The following ERRFI1 variants were observed in gnomAD, a reference collection of about 807,000 sequenced individuals.
ERRFI1 encodes ERBB receptor feedback inhibitor 1, also known as mitogen-inducible gene 6 protein.
Under a neutral mutation model 14.6 loss-of-function variants are expected in ERRFI1, and 12 were observed. The observed-to-expected ratio is 0.82, with a 90% CI of 0.53 to 1.33. The LOEUF (loss-of-function observed/expected upper bound fraction) is 1.33, where lower values mean the gene tolerates loss of function less well. Ranked by LOEUF, ERRFI1 falls within the 40% of genes most tolerant of loss-of-function variation. ERRFI1 has a pLI of 0.00. For synonymous variants in ERRFI1, 202 were observed against 209.9 expected, an observed-to-expected ratio of 0.96 and a Z score of 0.32; for missense variants, 482 against 572.1, an observed-to-expected ratio of 0.84 and a Z score of 1.61.
In ERRFI1 at chr1:8,012,459, G is replaced by A. The variant is rs1333272057; in HGVS notation, c.*751C>T. 8.7e-6 allele frequency: 2 copies of A among 230,066 alleles called. No homozygotes were observed. The highest frequency in any genetic ancestry group is 1.7e-5 in the Non-Finnish European group (2 of 115,792). The allele number at this position is 230,066 out of a possible 1,614,324, so 14.3% of individuals were successfully genotyped here. ...TACTTCAGTGGGTGGGACCAAGCAG[G>A]AACTGTAAGGGAAAATTAGTCACTA... is the stretch of plus-strand genomic sequence containing the variant. On this transcript the variant is annotated 3_prime_UTR_variant, in exon 4 of 4. Coordinates refer to ENST00000377482, the MANE Select transcript of ERRFI1 (RefSeq NM_018948.4).
At chr1:8,018,676 A>T (rs549740193) in intron 1 of ERRFI1, among the ~76,000 whole-genome samples, 1 of 152,366 alleles carries the variant, frequency 6.6e-6, no homozygotes, top group African/African-American at 2.4e-5. Context: ...AACTATTTTT[A>T]GCTTTTTTAG....
intron 1 of ERRFI1, among the ~76,000 whole-genome samples, 185 bp downstream of exon 1, chr1:8,025,973 G>C (rs1201476752): frequency 6.6e-6 from 1 of 151,842 alleles, no homozygotes; most frequent in Non-Finnish European, 1.5e-5. Context: ...AGAAGCCCGC[G>C]AGCGACCGGC....
chr1:8,014,339 G>A lies in ERRFI1; in HGVS notation c.260C>T (p.Ser87Phe). ...AAGAGGGGGCAAGCTGGACTTTTGAGATGGACCATTTTCTGCAAAGCAGTG... is the reference window on the plus strand; with the variant it reads ...AAGAGGGGGCAAGCTGGACTTTTGAAATGGACCATTTTCTGCAAAGCAGTG... ...NGHCFAENGP[S>F]QKSSLPPLLI... Residue 87 changes from serine (S) to phenylalanine (F), a missense_variant, in exon 4 of 4, where the codon TCT (serine) becomes TTT (phenylalanine). By Grantham distance (155) the Ser-to-Phe change is radical. Transcript: ENST00000377482. The A allele has an allele frequency of 1.2e-6, 2 of 1,610,468 alleles. No individual in the cohort carries two copies. Among genetic ancestry groups the A allele is most frequent in the Non-Finnish European group, 1.7e-6 (2 of 1,178,016 alleles).
In ERRFI1 at chr1:8,011,763, G is replaced by A. The variant is rs1438946974; in HGVS notation, c.*1447C>T. 2.6e-5 allele frequency: 5 copies of A among 195,594 alleles called. No individual in the cohort carries two copies. Among genetic ancestry groups the A allele is most frequent in the African/African-American group, 1.2e-4 (5 of 43,244 alleles). The allele number at this position is 195,594 out of a possible 1,614,324, so 12.1% of individuals were successfully genotyped here. A position where few individuals can be genotyped will look rare whatever the true frequency, so the allele number is the denominator to read the frequency against. On this transcript the variant is annotated 3_prime_UTR_variant, in exon 4 of 4. Transcript: ENST00000377482. ...TATTATAACTTTATTAAAATGAAAA[G>A]ACAATATTCAAAATAATGCAACAAA...
At chr1:8,025,260 G>C (rs1344967220) in intron 1 of ERRFI1, among the ~76,000 whole-genome samples, 1 of 152,168 alleles carries the variant, frequency 6.6e-6, no homozygotes, top group African/African-American at 2.4e-5. Context: ...TAAAGACTTA[G>C]CAAGCACTAA....
chr1:8,024,808 T>C (rs1484537058), intron 1 of ERRFI1, among the ~76,000 whole-genome samples: 1 of 152,238 alleles, frequency 6.6e-6, no homozygotes, highest in Non-Finnish European at 1.5e-5. Context: ...CAGCTTCTTT[T>C]ATTTTGGTCT....
intron 1 of ERRFI1, among the ~76,000 whole-genome samples, chr1:8,017,347 G>T (rs1427013696): frequency 1.3e-5 from 2 of 151,516 alleles, no homozygotes; most frequent in African/African-American, 2.4e-5. Flanking sequence ...TTTATGATAG[G>T]GTTAAAATAT....
At chr1:8,014,425 G>T (rs912712325) in intron 3 of ERRFI1, 29 bp from the exon 4 acceptor site, 4 of 1,525,864 alleles carry the variant, frequency 2.6e-6, no homozygotes, top group South Asian at 1.3e-5. Context: ...ATTAATAAAA[G>T]ATCAACAATC....
chr1:8,019,876 A>G (rs987133536), intron 1 of ERRFI1, among the ~76,000 whole-genome samples: 3 of 152,116 alleles, frequency 2.0e-5, no homozygotes, highest in Non-Finnish European at 4.4e-5. Context: ...TATTTACTTG[A>G]AGCAATTGGG....
rs1458318182 is a variant in ERRFI1, at chr1:8,011,880, T to C, written c.*1330A>G. 4.5e-6 allele frequency: 1 copy of C among 223,622 alleles called. No homozygotes were observed. Among genetic ancestry groups the C allele is most frequent in the Non-Finnish European group, 8.9e-6 (1 of 111,812 alleles). 13.9% of individuals were successfully genotyped at this position (223,622 alleles called of 1,614,324 possible). On this transcript the variant is annotated 3_prime_UTR_variant, in exon 4 of 4. Transcript: ENST00000377482. ...GTTTTAACCTTCATTTAGTTCATACTAAAATATAATAAGCTTTAAATAGCT... is the reference window on the plus strand; with the variant it reads ...GTTTTAACCTTCATTTAGTTCATACCAAAATATAATAAGCTTTAAATAGCT...
At chr1:8,024,423 T>A (rs1641316917) in intron 1 of ERRFI1, among the ~76,000 whole-genome samples, 1 of 152,242 alleles carries the variant, frequency 6.6e-6, no homozygotes, top group South Asian at 2.1e-4. Flanking sequence ...CCCTTATCAA[T>A]GACTGCTCCA....
rs1482363796 is a variant in ERRFI1, at chr1:8,012,607, G to A, written c.*603C>T. 8.8e-6 allele frequency: 2 copies of A among 226,922 alleles called. No homozygotes were observed. Among genetic ancestry groups the A allele is most frequent in the African/African-American group, 4.4e-5 (2 of 44,964 alleles). The allele number at this position is 226,922 out of a possible 1,614,324, so 14.1% of individuals were successfully genotyped here. A position where few individuals can be genotyped will look rare whatever the true frequency, so the allele number is the denominator to read the frequency against. On this transcript the variant is annotated 3_prime_UTR_variant, in exon 4 of 4. Transcript: ENST00000377482. ...TGAAACCTGGAAGTATGAGGCCTTG[G>A]TATGATTTTTAACCTAAGCAGGTAC...
rs1641091304 is a variant in ERRFI1 at position 8,011,981 on chromosome 1, T to G, written c.*1229A>C. 1 of 228,782 alleles carries G rather than the reference T, an allele frequency of 4.4e-6. No homozygotes were observed. 14.2% of individuals were successfully genotyped at this position (228,782 alleles called of 1,614,324 possible). A position where few individuals can be genotyped will look rare whatever the true frequency, so the allele number is the denominator to read the frequency against. On this transcript the variant is annotated 3_prime_UTR_variant, in exon 4 of 4. Transcript: ENST00000377482. ...AGAACATTGCAGTAATGTACCTCTG[T>G]TAGTGAGCACCTTCTCTTCTGTGCT...
In ERRFI1 at chr1:8,013,145, A is replaced by G. The variant is rs184137103; in HGVS notation, c.*65T>C. On this transcript the variant is annotated 3_prime_UTR_variant, in exon 4 of 4. Transcript: ENST00000377482. This position sits in a 1 kb window ranked among gnomAD's most constrained non-coding sequence, Gnocchi z 4.3. ...CTAAGGGATTTTTCTCTGCACTTCAATCAAACTGGAAAATTGAGAACCATT... is the reference window on the plus strand; with the variant it reads ...CTAAGGGATTTTTCTCTGCACTTCAGTCAAACTGGAAAATTGAGAACCATT... The G allele has an allele frequency of 1.2e-4, 176 of 1,412,794 alleles. 2 individuals are homozygous for G. The African/African-American group carries it at 1.7e-3, about 13-fold the overall frequency. The allele number at this position is 1,412,794 out of a possible 1,614,324, so 87.5% of individuals were successfully genotyped here. A position where few individuals can be genotyped will look rare whatever the true frequency, so the allele number is the denominator to read the frequency against.
chr1:8,025,452 G>A (rs1377360951), intron 1 of ERRFI1, among the ~76,000 whole-genome samples: 3 of 152,142 alleles, frequency 2.0e-5, no homozygotes, highest in Non-Finnish European at 4.4e-5. Context: ...AGGAGAGAAG[G>A]AAGAGTTCAG....
intron 1 of ERRFI1, among the ~76,000 whole-genome samples, chr1:8,025,156 A>G (rs566092372): frequency 6.6e-6 from 1 of 152,326 alleles, no homozygotes; most frequent in South Asian, 2.1e-4. Context: ...TTAAAGCTAC[A>G]GTCTCCATTC....
chr1:8,016,645 T>C (rs1259411369), intron 1 of ERRFI1, among the ~76,000 whole-genome samples: 3 of 152,242 alleles, frequency 2.0e-5, no homozygotes, highest in African/African-American at 7.2e-5. Flanking sequence ...ATCTCTGCTG[T>C]CTTCAGATAG....
chr1:8,014,609 A>G (rs528769843), intron 3 of ERRFI1: 2 of 545,712 alleles, frequency 3.7e-6, no homozygotes, highest in South Asian at 2.6e-5. Flanking sequence ...AGAACAAACT[A>G]TCTCCTCTAT....
intron 3 of ERRFI1, 115 bp from the exon 4 acceptor site, chr1:8,014,511 T>C: frequency 1.1e-5 from 11 of 1,002,166 alleles, no homozygotes; most frequent in South Asian, 1.6e-5. Context: ...GTGAAACACT[T>C]GACTGCTGTC....
Sources: gnomAD v4.1 joint callset for allele counts (sites outside exome capture counted in the v4.1 genomes callset) on GRCh38, gnomAD v4.1.1 for gene constraint, Gnocchi (gnomAD v3.1) non-coding constraint, MANE v1.5 for transcripts, NCBI Gene and HGNC (gene_info 2026-07-23, HGNC 2026-07-21) for gene names.